The following CPD variants were observed in gnomAD, a reference collection of about 807,000 sequenced individuals.
The protein encoded by CPD is carboxypeptidase D, also known as metallocarboxypeptidase D.
In CPD, 69 loss-of-function variants were observed where a neutral mutation model predicts 138.3. That is an observed-to-expected ratio of 0.50 (90% CI 0.41 to 0.61). The LOEUF is 0.61. Among genes scored for constraint, CPD ranks in the 20% least tolerant of loss-of-function variants. The pLI is 0.00. For synonymous variants in CPD, 651 were observed against 642.1 expected, an observed-to-expected ratio of 1.01 and a Z score of -0.21; for missense variants, 1,432 against 1,733.3, an observed-to-expected ratio of 0.83 and a Z score of 3.09.
intron 19 of CPD, 115 bp downstream of exon 19, chr17:30,462,177 A>G (rs1433675358): frequency 1.8e-6 from 2 of 1,132,530 alleles, no homozygotes; most frequent in Non-Finnish European, 2.5e-6. Flanking sequence ...TAAAAGTGTG[A>G]CTGCCTCTTG....
chr17:30,415,905 T>G (rs976452015), intron 2 of CPD, among the ~76,000 whole-genome samples: 3 of 152,354 alleles, frequency 2.0e-5, no homozygotes, highest in Admixed American at 2.0e-4. Flanking sequence ...ACTGCATGAT[T>G]TCACTTATAT....
chr17:30,408,739 C>T (rs940697286), intron 2 of CPD, among the ~76,000 whole-genome samples: 1 of 152,190 alleles, frequency 6.6e-6, no homozygotes, highest in Non-Finnish European at 1.5e-5. Context: ...AATATACAGT[C>T]ATGCCATCTG....
Position 30,379,609 on chromosome 17 carries a change from A to T in CPD, c.629A>T (p.Asn210Ile). 6.8e-7 allele frequency: 1 copy of T among 1,473,076 alleles called. No individual in the cohort carries two copies. The highest frequency in any genetic ancestry group is 8.9e-7 in the Non-Finnish European group (1 of 1,126,194). The allele number at this position is 1,473,076 out of a possible 1,614,324, so 91.3% of individuals were successfully genotyped here. Residue 210 changes from asparagine to isoleucine, a missense_variant, in exon 1 of 21, where the codon AAT (asparagine) becomes ATT (isoleucine). This residue lies in a region of CPD where 484 missense variants were observed against 477.2 expected (regional missense o/e 1.01). Transcript: ENST00000225719. The surrounding 1 kb of genome is among the most constrained non-coding windows in gnomAD (Gnocchi z 7.0). ...CCGTCCGGGGCCAGCGGCCGCGACAATAGTCGCGGCCGCGACCTCAACCGA... is the reference window on the plus strand; with the variant it reads ...CCGTCCGGGGCCAGCGGCCGCGACATTAGTCGCGGCCGCGACCTCAACCGA... ...GGPSGASGRD[N>I]SRGRDLNRSF...
At chr17:30,443,695 T>A in intron 10 of CPD, 107 bp from the exon 11 acceptor site, 1 of 1,122,428 alleles carries the variant, frequency 8.9e-7, no homozygotes, top group Middle Eastern at 2.2e-4. Context: ...AATTCCTGTT[T>A]GTTCCATTTA....
chr17:30,413,159 A>G (rs756913447), intron 2 of CPD, among the ~76,000 whole-genome samples: 4 of 152,206 alleles, frequency 2.6e-5, no homozygotes, highest in Admixed American at 6.5e-5. Flanking sequence ...CGACCATTGT[A>G]TTGTGACCAA....
chr17:30,460,634 T>A (rs1273005472), intron 17 of CPD, among the ~76,000 whole-genome samples: 1 of 152,198 alleles, frequency 6.6e-6, no homozygotes, highest in East Asian at 1.9e-4. Context: ...TACCATTAAC[T>A]GAGTTAGGAA....
At position 30,443,999 on chromosome 17, in the gene CPD, G is replaced by T. The variant is rs372548674; in HGVS notation, c.2543+28G>T. On this transcript the variant is annotated intron_variant, in intron 11 of 20. Coordinates refer to ENST00000225719, the MANE Select transcript of CPD (RefSeq NM_001304.5). The stretch of plus-strand genomic sequence containing the variant: ...GAGTGACTGAATGCTTTGAAATAGA[G>T]TGCTCGGAGGACAAACATGGCTCCA... 37 of 1,608,618 alleles carry T rather than the reference G, an allele frequency of 2.3e-5. No homozygotes were observed. The African/African-American group carries it at 4.7e-4, about 20-fold the overall frequency.
rs923658319 is a variant in CPD, at chr17:30,466,618, G to A, written c.*1804G>A. On this transcript the variant is annotated 3_prime_UTR_variant, in exon 21 of 21. Coordinates refer to ENST00000225719, the MANE Select transcript of CPD (RefSeq NM_001304.5). The stretch of plus-strand genomic sequence containing the variant: ...CTTTATGTTTTCTTTAAGGATGGTG[G>A]TGTATTGCTCTTTTTCAGCTTTATT... The A allele has an allele frequency of 6.6e-6, 1 of 152,546 alleles. No individual in the cohort carries two copies. The highest frequency in any genetic ancestry group is 1.5e-5 in the Non-Finnish European group (1 of 68,000). 9.4% of individuals were successfully genotyped at this position (152,546 alleles called of 1,614,324 possible).
chr17:30,402,166 T>C (rs879496089), intron 2 of CPD, among the ~76,000 whole-genome samples: 2 of 152,190 alleles, frequency 1.3e-5, no homozygotes, highest in African/African-American at 2.4e-5. Flanking sequence ...CCATTCAGTT[T>C]ATTTTTTTAA....
intron 2 of CPD, among the ~76,000 whole-genome samples, chr17:30,409,299 G>T (rs1324340658): frequency 6.6e-6 from 1 of 152,160 alleles, no homozygotes; most frequent in Non-Finnish European, 1.5e-5. Context: ...ATTCATCAGG[G>T]ATATTGGTCT....
In CPD at chr17:30,379,467, G is replaced by T; in HGVS notation, c.487G>T (p.Gly163Trp). 6.4e-7 allele frequency: 1 copy of T among 1,572,970 alleles called. No homozygotes were observed. Among genetic ancestry groups the T allele is most frequent in the South Asian group, 1.1e-5 (1 of 87,784 alleles). The change falls in exon 1 of 21, where the codon GGG becomes TGG. Residue 163 changes from glycine to tryptophan, a missense_variant. By Grantham distance (184) the Gly-to-Trp change is radical. This residue lies in a region of CPD where 484 missense variants were observed against 477.2 expected (regional missense o/e 1.01). Transcript: ENST00000225719. The surrounding 1 kb of genome is among the most constrained non-coding windows in gnomAD (Gnocchi z 7.0). ...ARELAAGYRR[G>W]DPRLVRLLNT... ...CGAGCTGGCGGCCGGCTACCGCCGCGGGGACCCGCGCCTGGTCCGCCTGCT... is the reference window on the plus strand; with the variant it reads ...CGAGCTGGCGGCCGGCTACCGCCGCTGGGACCCGCGCCTGGTCCGCCTGCT...
chr17:30,390,071 T>C (rs1440808212), intron 2 of CPD, among the ~76,000 whole-genome samples: 1 of 151,094 alleles, frequency 6.6e-6, no homozygotes, highest in African/African-American at 2.4e-5. Context: ...CAGGCTGGAG[T>C]GCAGGCGTGA....
At chr17:30,384,926 T>G in intron 1 of CPD, 63 bp from the exon 2 acceptor site, 2 of 1,550,684 alleles carry the variant, frequency 1.3e-6, no homozygotes, top group Non-Finnish European at 1.7e-6. Context: ...TTGTGGAATT[T>G]TTTTAATGCA....
rs750894921 is a variant in CPD, at chr17:30,431,861, A to G, written c.2107A>G (p.Ile703Val). Residue 703 changes from isoleucine (I) to valine (V), a missense_variant, in exon 8 of 21, where the codon ATA (isoleucine) becomes GTA (valine). Transcript: ENST00000225719. ...ACCAGATGATGCTGTGTTCCAACAA[A>G]TAGCACTTTCTTATTCCAAGGTAGG... ...KSPDDAVFQQ[I>V]ALSYSKENSQ... 21 of 1,606,228 alleles carry G rather than the reference A, an allele frequency of 1.3e-5. No individual in the cohort carries two copies. The highest frequency in any genetic ancestry group is 1.5e-5 in the Non-Finnish European group (18 of 1,174,654).
intron 5 of CPD, 69 bp from the exon 6 acceptor site, chr17:30,423,437 C>CG (rs1912321162): frequency 8.4e-7 from 1 of 1,191,162 alleles, no homozygotes; most frequent in South Asian, 1.9e-5. Flanking sequence ...ATATATGTTG[C>CG]GGAAAAAAAC....
intron 2 of CPD, among the ~76,000 whole-genome samples, chr17:30,391,555 T>A (rs1911357333): frequency 6.6e-6 from 1 of 152,260 alleles, no homozygotes. Flanking sequence ...TATTTTATTT[T>A]CTTGCAGATA....
intron 7 of CPD, 81 bp from the exon 8 acceptor site, chr17:30,431,691 T>C: frequency 1.1e-6 from 1 of 890,146 alleles, no homozygotes; most frequent in Non-Finnish European, 1.8e-6. Flanking sequence ...TTCTCTTCTC[T>C]GGCAGTATTC....
At chr17:30,388,639 G>A (rs1263683756) in intron 2 of CPD, among the ~76,000 whole-genome samples, 1 of 152,216 alleles carries the variant, frequency 6.6e-6, no homozygotes, top group Non-Finnish European at 1.5e-5. Flanking sequence ...GGGCCTAGGA[G>A]GTCGGGGGAC....
intron 11 of CPD, 193 bp downstream of exon 11, chr17:30,444,164 A>T (rs1912958983): frequency 2.1e-6 from 1 of 467,744 alleles, no homozygotes. Context: ...AAAAGGAAAG[A>T]TTCCTGGGGT....
Sources: allele counts gnomAD v4.1 joint callset (sites outside exome capture counted in the v4.1 genomes callset), GRCh38; gene constraint gnomAD v4.1.1; regional missense constraint gnomAD v4.1.1; non-coding constraint Gnocchi (gnomAD v3.1); transcripts MANE v1.5; gene names NCBI Gene and HGNC (gene_info 2026-07-23, HGNC 2026-07-21).